Variants in SYNE1 observed in about 807,000 individuals in gnomAD.
SYNE1 encodes spectrin repeat containing nuclear envelope protein 1, also known as nesprin-1.
A neutral mutation model predicts 1,111.0 loss-of-function variants in SYNE1; 616 were observed. The observed-to-expected ratio is 0.55, with a 90% confidence interval of 0.52 to 0.59. The LOEUF is 0.59. Among genes scored for constraint, SYNE1 ranks in the 20% least tolerant of loss-of-function variants. The pLI, the probability that SYNE1 is intolerant of heterozygous loss-of-function variation, is 0.00. For synonymous variants in SYNE1, 3,855 were observed against 3,825.8 expected, an observed-to-expected ratio of 1.01 and a Z score of -0.28; for missense variants, 10,006 against 10,417.0, an observed-to-expected ratio of 0.96 and a Z score of 1.72.
intron 85 of SYNE1, among the ~76,000 whole-genome samples, chr6:152,318,534 C>T (rs2095793285): frequency 1.3e-5 from 2 of 152,176 alleles, no homozygotes; most frequent in African/African-American, 4.8e-5. Context: ...CTGAACTCAT[C>T]AACAGAGGAA....
At position 152,331,089 on chromosome 6, in the gene SYNE1, C is replaced by A. The variant is rs886043332; in HGVS notation, c.13596G>T (p.Val4532=). Reference sequence around the variant, plus strand: ...TCTGCAATTCCTGAAGCTTCCCCAGCACTTCACTCTTTTCCTGCTCTGTGA... The same window carrying A: ...TCTGCAATTCCTGAAGCTTCCCCAGAACTTCACTCTTTTCCTGCTCTGTGA... ...KEVTEQEKSE[V]LGKLQELQSV... Residue 4532 remains valine, a synonymous_variant, in exon 78 of 146, where the codon GTG becomes GTT. Coordinates refer to ENST00000367255, the MANE Select transcript of SYNE1 (RefSeq NM_182961.4). 3.1e-6 allele frequency: 5 copies of A among 1,614,066 alleles called. No individual in the cohort carries two copies. Among genetic ancestry groups the A allele is most frequent in the Admixed American group, 3.3e-5 (2 of 60,010 alleles).
intron 129 of SYNE1, among the ~76,000 whole-genome samples, chr6:152,178,718 T>C (rs1048846995): frequency 6.6e-6 from 1 of 152,116 alleles, no homozygotes; most frequent in African/African-American, 2.4e-5. Context: ...ATAAACAAAA[T>C]TAGACAAAGC....
intron 127 of SYNE1, among the ~76,000 whole-genome samples, chr6:152,199,604 T>C (rs1309844327): frequency 6.6e-6 from 1 of 152,234 alleles, no homozygotes; most frequent in Admixed American, 6.5e-5. Context: ...TTGCAATTTG[T>C]ATAACCAGCT....
At position 152,268,107 on chromosome 6, in the gene SYNE1, C is replaced by T. The variant is rs756753302; in HGVS notation, c.18764G>A (p.Gly6255Glu). ...CGAATGTTGAATTAGAATCTCCTCT[C>T]CACGACTGGCTACTGAGCGAAGGAG... is the stretch of plus-strand genomic sequence containing the variant. The part of the protein sequence containing the change: ...KSLLRSVASR[G>E]EEILIQHSAA... Residue 6255 changes from glycine to glutamate, a missense_variant, in exon 100 of 146, where the codon GGA (glycine) becomes GAA (glutamate). Gly to Glu is a moderately conservative substitution (Grantham distance 98). Coordinates refer to ENST00000367255, the MANE Select transcript of SYNE1 (RefSeq NM_182961.4). 1 of 1,614,144 alleles carries T rather than the reference C, an allele frequency of 6.2e-7. No individual in the cohort carries two copies. Among genetic ancestry groups the T allele is most frequent in the South Asian group, 1.1e-5 (1 of 91,076 alleles).
chr6:152,485,075 T>A (rs2098932078), intron 12 of SYNE1, 103 bp from the exon 13 acceptor site: 1 of 1,251,938 alleles, frequency 8.0e-7, no homozygotes, highest in Admixed American at 2.0e-5. Context: ...TGGATAACAC[T>A]CAATATATGT....
At chr6:152,409,410 A>C in intron 43 of SYNE1, 149 bp downstream of exon 43, 2 of 1,183,246 alleles carry the variant, frequency 1.7e-6, no homozygotes, top group East Asian at 2.6e-5. Context: ...CTAGAATGTC[A>C]GCATTCCTAG....
chr6:152,381,599 T>C (rs896413531), intron 55 of SYNE1: 4 of 574,172 alleles, frequency 7.0e-6, no homozygotes, highest in Non-Finnish European at 1.2e-5. Flanking sequence ...TGAAACAGAC[T>C]AAACAGAGAC....
chr6:152,269,039 AT>A (rs2092976101), intron 99 of SYNE1, 115 bp downstream of exon 99: 2 of 1,478,498 alleles, frequency 1.4e-6, no homozygotes, highest in Non-Finnish European at 1.9e-6. Context: ...CAAAGAGAAG[AT>A]AAAGAGACAC....
At chr6:152,608,019 A>C (rs1025771282) in intron 3 of SYNE1, among the ~76,000 whole-genome samples, 1 of 152,084 alleles carries the variant, frequency 6.6e-6, no homozygotes, top group African/African-American at 2.4e-5. Flanking sequence ...AACAACACAC[A>C]CTGGGGCCTG....
At chr6:152,392,629 T>C (rs2097663175) in intron 51 of SYNE1, among the ~76,000 whole-genome samples, 1 of 152,150 alleles carries the variant, frequency 6.6e-6, no homozygotes, top group African/African-American at 2.4e-5. Context: ...CTAAGAGTTA[T>C]ACAACAAGAC....
At chr6:152,404,627 G>A (rs889912627) in intron 45 of SYNE1, among the ~76,000 whole-genome samples, 1 of 152,000 alleles carries the variant, frequency 6.6e-6, no homozygotes, top group African/African-American at 2.4e-5. Flanking sequence ...TTTTCAATAG[G>A]CTAACTGTCA....
At chr6:152,578,320 C>A (rs1043552509) in intron 3 of SYNE1, among the ~76,000 whole-genome samples, 1 of 152,088 alleles carries the variant, frequency 6.6e-6, no homozygotes, top group African/African-American at 2.4e-5. Flanking sequence ...CTTGGCCTGG[C>A]GTGGTAGCTC....
chr6:152,334,876 G>A (rs2096345350), intron 76 of SYNE1, among the ~76,000 whole-genome samples: 1 of 152,196 alleles, frequency 6.6e-6, no homozygotes. Flanking sequence ...GAGTCGCTCT[G>A]GTTTGAACGC....
chr6:152,331,942 T>C, intron 77 of SYNE1, 52 bp from the exon 78 acceptor site: 1 of 1,600,274 alleles, frequency 6.2e-7, no homozygotes, highest in Non-Finnish European at 8.5e-7. Flanking sequence ...TCAATATCGA[T>C]GTTTGTTCAT....
chr6:152,421,679 ATTTATTT>A (rs1178430687), intron 39 of SYNE1, among the ~76,000 whole-genome samples: 3 of 105,886 alleles, frequency 2.8e-5, no homozygotes, highest in Non-Finnish European at 3.9e-5. Flanking sequence ...TATTTTATTT[ATTTATTT>A]ATTTATTTAT....
chr6:152,514,417 G>T (rs1222923024), intron 6 of SYNE1, among the ~76,000 whole-genome samples: 1 of 152,140 alleles, frequency 6.6e-6, no homozygotes, highest in Non-Finnish European at 1.5e-5. Context: ...TCATAAGTGG[G>T]AGTTGAACAA....
chr6:152,227,222 A>G (rs2081796453), intron 115 of SYNE1, among the ~76,000 whole-genome samples: 1 of 152,164 alleles, frequency 6.6e-6, no homozygotes, highest in Non-Finnish European at 1.5e-5. Context: ...AATAGTAATA[A>G]TAAGACATTT....
Position 152,321,127 on chromosome 6 carries a change from T to C in SYNE1, c.16236+111A>G, listed in dbSNP as rs1320786621. On this transcript the variant is annotated intron_variant, in intron 84 of 145. Coordinates refer to ENST00000367255, the MANE Select transcript of SYNE1 (RefSeq NM_182961.4). ...TTATTGTTTTATAGCCATCTATTTT[T>C]TTTAACTCTGTCTCCAAGAAGACAT... 1.1e-5 allele frequency: 14 copies of C among 1,263,420 alleles called. No homozygotes were observed. In the East Asian group the frequency reaches 3.5e-4, roughly 32 times the overall value. 78.3% of individuals were successfully genotyped at this position (1,263,420 alleles called of 1,614,324 possible).
At chr6:152,179,671 TCC>T (rs1491506312) in intron 129 of SYNE1, among the ~76,000 whole-genome samples, 1 of 126,840 alleles carries the variant, frequency 7.9e-6, no homozygotes, top group Non-Finnish European at 1.6e-5. Context: ...ATGCTGGATA[TCC>T]TTTTTTTTTT....
Sources: gnomAD v4.1 joint callset for allele counts (sites outside exome capture counted in the v4.1 genomes callset) on GRCh38, gnomAD v4.1.1 for gene constraint, MANE v1.5 for transcripts, NCBI Gene and HGNC (gene_info 2026-07-23, HGNC 2026-07-21) for gene names.